The following SLC47A1 variants were observed in gnomAD, a reference collection of about 807,000 sequenced individuals.
SLC47A1 encodes solute carrier family 47 member 1, also known as multidrug and toxin extrusion protein 1.
Under a neutral mutation model 65.8 loss-of-function variants are expected in SLC47A1, and 58 were observed. That is an observed-to-expected ratio of 0.88 (90% CI 0.71 to 1.10). The LOEUF is 1.10. Among genes scored for constraint, SLC47A1 ranks in the 50% least tolerant of loss-of-function variants. The pLI is 0.00. For synonymous variants in SLC47A1, 285 were observed against 295.0 expected, an observed-to-expected ratio of 0.97 and a Z score of 0.35; for missense variants, 706 against 719.2, an observed-to-expected ratio of 0.98 and a Z score of 0.21.
intron 7 of SLC47A1, 92 bp from the exon 8 acceptor site, chr17:19,555,501 G>T: frequency 7.1e-7 from 1 of 1,401,006 alleles, no homozygotes; most frequent in Non-Finnish European, 1.0e-6. Flanking sequence ...GCTGAGGACA[G>T]CACGGGAAGG....
intron 14 of SLC47A1, 68 bp downstream of exon 14, chr17:19,567,296 C>A: frequency 6.2e-7 from 1 of 1,602,590 alleles, no homozygotes; most frequent in Non-Finnish European, 8.5e-7. Context: ...TCGGAGCACA[C>A]GGGTCTTTGA....
intron 12 of SLC47A1, among the ~76,000 whole-genome samples, chr17:19,561,594 G>GA: frequency 6.9e-6 from 1 of 145,656 alleles, no homozygotes; most frequent in Non-Finnish European, 1.5e-5. Context: ...AGTGAGCTGA[G>GA]ATCCCGCCAC....
At chr17:19,573,939 T>TC (rs2084419427) in intron 16 of SLC47A1, among the ~76,000 whole-genome samples, 1 of 151,066 alleles carries the variant, frequency 6.6e-6, no homozygotes, top group African/African-American at 2.4e-5. Context: ...TTTTTTTTTT[T>TC]TTAAAAGCAG....
chr17:19,558,374 T>C (rs1916679710), intron 10 of SLC47A1, among the ~76,000 whole-genome samples: 1 of 152,220 alleles, frequency 6.6e-6, no homozygotes, highest in South Asian at 2.1e-4. Flanking sequence ...TGCTGTGTCC[T>C]TCTTAGTGCA....
intron 16 of SLC47A1, among the ~76,000 whole-genome samples, chr17:19,576,739 CT>C (rs59607900): frequency 1.1e-3 from 165 of 145,416 alleles, no homozygotes; most frequent in South Asian, 2.0e-3. Flanking sequence ...CCTGTGAATC[CT>C]TTTTTTTTTT....
rs755282983 is a variant in SLC47A1 at position 19,571,515 on chromosome 17, A to G, written c.1347A>G (p.Gln449=). 37 of 1,614,118 alleles carry G rather than the reference A, an allele frequency of 2.3e-5. No individual in the cohort carries two copies. The East Asian group carries it at 7.6e-4, about 33-fold the overall frequency. Reference sequence around the variant, plus strand: ...GGATCATCATCTGTACAGTCTTTCAAGCTGTGTGTTTTCTAGGCTTTATTA... The same window carrying G: ...GGATCATCATCTGTACAGTCTTTCAGGCTGTGTGTTTTCTAGGCTTTATTA... ...WSGIIICTVF[Q]AVCFLGFIIQ... Residue 449 remains glutamine (Q), a synonymous_variant, in exon 15 of 17, where the codon CAA becomes CAG. Coordinates refer to ENST00000270570, the MANE Select transcript of SLC47A1 (RefSeq NM_018242.3).
At chr17:19,571,632 T>G in intron 15 of SLC47A1, 60 bp downstream of exon 15, 1 of 1,280,030 alleles carries the variant, frequency 7.8e-7, no homozygotes, top group East Asian at 2.3e-5. Context: ...GGATCTGATC[T>G]GGCTCTCCCT....
chr17:19,560,330 C>T (rs562600665), intron 11 of SLC47A1, 34 bp downstream of exon 11: 7 of 1,604,986 alleles, frequency 4.4e-6, no homozygotes, highest in African/African-American at 1.3e-5. Context: ...GCTCTTGGTG[C>T]AGTCTCTGCA....
chr17:19,562,599 A>G (rs2152315787), intron 12 of SLC47A1, among the ~76,000 whole-genome samples: 1 of 152,194 alleles, frequency 6.6e-6, no homozygotes, highest in South Asian at 2.1e-4. Context: ...TCCCTCACTC[A>G]GAATGAGTGG....
At chr17:19,555,001 C>T (rs1916561680) in intron 6 of SLC47A1, among the ~76,000 whole-genome samples, 1 of 152,060 alleles carries the variant, frequency 6.6e-6, no homozygotes, top group African/African-American at 2.4e-5. Flanking sequence ...GCCAGAACTC[C>T]GCACTTTATA....
chr17:19,577,434 C>T lies in SLC47A1; in HGVS notation c.1594C>T (p.Gln532Ter), dbSNP rs2084449677. Residue 532 changes from glutamine to a stop codon, truncating the protein, a stop_gained, in exon 17 of 17, where the codon CAG (glutamine) becomes TAG (stop). Coordinates refer to ENST00000270570, the MANE Select transcript of SLC47A1 (RefSeq NM_018242.3). LOFTEE classifies it low-confidence loss of function (END_TRUNC). ...RQEEPLPEHPQDGAKLSRKQL... is the reference protein window; with the variant it reads ...RQEEPLPEHP The stretch of plus-strand genomic sequence containing the variant: ...AGAAGAACCTTTGCCGGAACATCCA[C>T]AGGACGGCGCTAAATTGTCCAGGAA... 6.2e-7 allele frequency: 1 copy of T among 1,614,226 alleles called. No homozygotes were observed. Among genetic ancestry groups the T allele is most frequent in the Non-Finnish European group, 8.5e-7 (1 of 1,180,042 alleles).
At chr17:19,552,328 C>T (rs2152313968) in intron 6 of SLC47A1, among the ~76,000 whole-genome samples, 1 of 152,336 alleles carries the variant, frequency 6.6e-6, no homozygotes. Context: ...CAGGTGTGAG[C>T]CACTGCATCC....
chr17:19,556,138 C>A, intron 10 of SLC47A1, 76 bp downstream of exon 10: 2 of 1,489,574 alleles, frequency 1.3e-6, no homozygotes, highest in Non-Finnish European at 1.9e-6. Flanking sequence ...TATGGATGAG[C>A]ACAGGCATTC....
At chr17:19,536,430 G>C (rs1822413856) in intron 1 of SLC47A1, among the ~76,000 whole-genome samples, 1 of 151,952 alleles carries the variant, frequency 6.6e-6, no homozygotes, top group African/African-American at 2.4e-5. Context: ...ATACCATTGT[G>C]TTTATTACAA....
intron 2 of SLC47A1, among the ~76,000 whole-genome samples, chr17:19,545,806 T>A (rs1434294365): frequency 6.6e-6 from 1 of 151,542 alleles, no homozygotes; most frequent in Non-Finnish European, 1.5e-5. Context: ...TCTTAAACAA[T>A]AGCCTTATCA....
rs190533904 is a variant in SLC47A1, at chr17:19,572,581, C to T, written c.1405-199C>T. Among the ~76,000 whole-genome samples the T allele has an allele frequency of 3.2e-4, 48 of 152,248 alleles. 1 individual carries two copies. In the South Asian group the frequency reaches 3.3e-3, roughly 11 times the overall value. ...AAGCAATCCTCTCTCCTCAGCCCCC[C>T]AAAGTGCTGGGATTACAGGTGTGAG... is the stretch of plus-strand genomic sequence containing the variant. On this transcript the variant is annotated intron_variant, in intron 15 of 16. Coordinates refer to ENST00000270570, the MANE Select transcript of SLC47A1 (RefSeq NM_018242.3).
At chr17:19,550,646 G>T (rs1420351365) in intron 5 of SLC47A1, among the ~76,000 whole-genome samples, 1 of 152,312 alleles carries the variant, frequency 6.6e-6, no homozygotes, top group African/African-American at 2.4e-5. Flanking sequence ...TCAGCTGGAG[G>T]CTGTAGCTGA....
At chr17:19,575,450 G>C (rs1394564561) in intron 16 of SLC47A1, among the ~76,000 whole-genome samples, 1 of 150,004 alleles carries the variant, frequency 6.7e-6, no homozygotes, top group East Asian at 2.0e-4. Flanking sequence ...CCAGGCTGGA[G>C]TGCAGTGGTG....
At chr17:19,549,476 G>A (rs1420896651) in intron 4 of SLC47A1, among the ~76,000 whole-genome samples, 159 bp from the exon 5 acceptor site, 1 of 152,002 alleles carries the variant, frequency 6.6e-6, no homozygotes, top group Non-Finnish European at 1.5e-5. Flanking sequence ...TTACAGGCGT[G>A]AGCCACCGCG....
Sources: allele counts gnomAD v4.1 joint callset (sites outside exome capture counted in the v4.1 genomes callset), GRCh38; gene constraint gnomAD v4.1.1; transcripts MANE v1.5; gene names NCBI Gene and HGNC (gene_info 2026-07-23, HGNC 2026-07-21).